Variants in TBC1D9 observed in about 807,000 individuals in gnomAD.
TBC1D9 encodes the protein TBC1 domain family member 9A.
A neutral mutation model predicts 132.0 loss-of-function variants in TBC1D9; 63 were observed. The ratio of observed to expected loss-of-function variants is 0.48; its 90% CI spans 0.39 to 0.59. The LOEUF is 0.59. TBC1D9 is among the 20% of genes least tolerant of loss of function. The pLI is 0.00. For synonymous variants in TBC1D9, 610 were observed against 609.9 expected (o/e 1.00, Z 0.00); for missense variants, 1,261 against 1,592.7 (o/e 0.79, Z 3.54).
At position 140,643,288 on chromosome 4, in the gene TBC1D9, G is replaced by C. The variant is rs528287005; in HGVS notation, c.2338-3860C>G. The C allele has an allele frequency of 2.7e-4, 353 of 1,317,832 alleles. 2 individuals are homozygous for C. In the Middle Eastern group the frequency reaches 4.2e-3, roughly 16 times the overall value. 81.6% of individuals were successfully genotyped at this position (1,317,832 alleles called of 1,614,324 possible). A position where few individuals can be genotyped will look rare whatever the true frequency, so the allele number is the denominator to read the frequency against. ...TCGCTCAGCAGGGTGATGCCGTGCAGAAAGCTCTGCTCCAAGACAAGGCTC... is the reference window on the plus strand; with the variant it reads ...TCGCTCAGCAGGGTGATGCCGTGCACAAAGCTCTGCTCCAAGACAAGGCTC... On this transcript the variant is annotated intron_variant, in intron 13 of 20. Transcript: ENST00000442267.
chr4:140,677,257 A>G (rs1409685010), intron 5 of TBC1D9, among the ~76,000 whole-genome samples, 156 bp from the exon 6 acceptor site: 1 of 152,076 alleles, frequency 6.6e-6, no homozygotes, highest in African/African-American at 2.4e-5. Flanking sequence ...GTTAACCCCA[A>G]CCTAATGACC....
At chr4:140,712,471 G>A (rs948070851) in intron 1 of TBC1D9, among the ~76,000 whole-genome samples, 5 of 31,416 alleles carry the variant, frequency 1.6e-4, no homozygotes, top group African/African-American at 6.6e-4. Flanking sequence ...TGCCAGGTGC[G>A]GTGGCTCAGG....
chr4:140,679,100 G>T lies in TBC1D9; in HGVS notation c.693C>A (p.Phe231Leu). 1 of 1,613,968 alleles carries T rather than the reference G, an allele frequency of 6.2e-7. No homozygotes were observed. Among genetic ancestry groups the T allele is most frequent in the Non-Finnish European group, 8.5e-7 (1 of 1,179,860 alleles). ...IKVSTRSSEHFFSVFLNINET... is the reference protein window; with the variant it reads ...IKVSTRSSEHLFSVFLNINET... ...CGTTGATGTTGAGGAATACAGAGAA[G>T]AAATGCTCACTGGACCGTGTGCTCA... is the stretch of plus-strand genomic sequence containing the variant. The change falls in exon 5 of 21, where the codon TTC becomes TTA. Residue 231 changes from phenylalanine to leucine, a missense_variant. Physicochemically the swap from Phe to Leu is conservative, Grantham distance 22 (BLOSUM62 0). Coordinates refer to ENST00000442267, the MANE Select transcript of TBC1D9 (RefSeq NM_015130.3).
At chr4:140,709,388 A>G (rs1038215222) in intron 1 of TBC1D9, among the ~76,000 whole-genome samples, 4 of 152,066 alleles carry the variant, frequency 2.6e-5, no homozygotes, top group African/African-American at 9.7e-5. Context: ...GTGGCTAAGA[A>G]TCAGTTTTGC....
intron 2 of TBC1D9, among the ~76,000 whole-genome samples, chr4:140,686,725 G>T (rs747701421): frequency 9.2e-5 from 14 of 152,158 alleles, no homozygotes; most frequent in South Asian, 2.1e-4. Context: ...CACTGTTTCA[G>T]ATCAGAAGGC....
intron 1 of TBC1D9, among the ~76,000 whole-genome samples, chr4:140,737,463 T>A (rs868645942): frequency 9.8e-5 from 12 of 122,944 alleles, no homozygotes; most frequent in African/African-American, 3.1e-4. Flanking sequence ...TCTCTCTCTC[T>A]CTCACACACA....
chr4:140,697,029 A>G (rs1301814395), intron 2 of TBC1D9, among the ~76,000 whole-genome samples: 2 of 152,200 alleles, frequency 1.3e-5, no homozygotes, highest in Non-Finnish European at 2.9e-5. Flanking sequence ...TTAAAATCTT[A>G]TCATGAAAAG....
intron 1 of TBC1D9, among the ~76,000 whole-genome samples, chr4:140,712,449 A>AATATATATATAT (rs10530134): frequency 0.15 from 15,717 of 102,554 alleles, 2,268 homozygotes; most frequent in Admixed American, 0.23. Context: ...AAAAAAAAAG[A>AATATATATATAT]ATATATATAT....
chr4:140,726,038 C>T (rs1021383300), intron 1 of TBC1D9, among the ~76,000 whole-genome samples: 4 of 152,122 alleles, frequency 2.6e-5, no homozygotes, highest in African/African-American at 9.7e-5. Flanking sequence ...GAAACCAAGG[C>T]AGGTCTCCTG....
chr4:140,642,551 C>T (rs779843866), intron 13 of TBC1D9: 1 of 1,101,170 alleles, frequency 9.1e-7, no homozygotes, highest in Non-Finnish European at 1.4e-6. Context: ...AGGGAGAGGG[C>T]CTTTGTCGAG....
At chr4:140,755,877 C>T in intron 1 of TBC1D9, 39 bp downstream of exon 1, 1 of 1,501,658 alleles carries the variant, frequency 6.7e-7, no homozygotes, top group Non-Finnish European at 8.9e-7. Context: ...CCGCAGCGCT[C>T]CCGGCTCCCC....
chr4:140,698,682 G>A (rs976131749), intron 2 of TBC1D9, among the ~76,000 whole-genome samples: 5 of 151,196 alleles, frequency 3.3e-5, no homozygotes, highest in African/African-American at 1.2e-4. Flanking sequence ...ATGTTGCAGT[G>A]AGCTGAGATC....
chr4:140,688,266 A>T (rs750691396), intron 2 of TBC1D9, among the ~76,000 whole-genome samples: 3 of 152,206 alleles, frequency 2.0e-5, no homozygotes, highest in Non-Finnish European at 4.4e-5. Context: ...AGACCTTGAA[A>T]TTGGGACAGC....
intron 1 of TBC1D9, among the ~76,000 whole-genome samples, chr4:140,739,405 T>C (rs1038244347): frequency 1.5e-4 from 23 of 152,170 alleles, no homozygotes; most frequent in Admixed American, 7.2e-4. Flanking sequence ...TTTTAATCCT[T>C]TTCTTTTTCT....
At chr4:140,662,244 G>A in intron 9 of TBC1D9, 137 bp from the exon 10 acceptor site, 1 of 772,246 alleles carries the variant, frequency 1.3e-6, no homozygotes, top group East Asian at 2.5e-5. Flanking sequence ...AATCACAGAT[G>A]TGGTATGTTG....
rs1427073190 is a variant in TBC1D9, at chr4:140,704,323, C to T, written c.131-2709G>A. ...GGCTGAGGCAGGAGAACTGCTTAAA[C>T]CTGGGAGGCGCAGGTTGCAGTGAGC... On this transcript the variant is annotated intron_variant, in intron 1 of 20. Transcript: ENST00000442267. 5.9e-5 allele frequency among the ~76,000 whole-genome samples: 9 copies of T among 151,672 alleles called. No individual in the cohort carries two copies. The South Asian group carries it at 1.9e-3, about 32-fold the overall frequency.
chr4:140,709,242 T>A (rs1405743591), intron 1 of TBC1D9, among the ~76,000 whole-genome samples: 12 of 106,778 alleles, frequency 1.1e-4, no homozygotes, highest in African/African-American at 5.2e-4. Context: ...TCTCTCTCTC[T>A]CTCTCTCACA....
At chr4:140,669,835 G>C (rs1449613900) in intron 7 of TBC1D9, 31 bp from the exon 8 acceptor site, 1 of 1,588,364 alleles carries the variant, frequency 6.3e-7, no homozygotes, top group African/African-American at 1.3e-5. Flanking sequence ...AAGACATTGG[G>C]AGGACACGGG....
intron 13 of TBC1D9, among the ~76,000 whole-genome samples, chr4:140,646,774 TG>T (rs573937840): frequency 6.6e-6 from 1 of 152,182 alleles, no homozygotes; most frequent in African/African-American, 2.4e-5. Context: ...ATGTGGTGAG[TG>T]GGTCTCAACC....
Sources: allele counts gnomAD v4.1 joint callset (sites outside exome capture counted in the v4.1 genomes callset), GRCh38; gene constraint gnomAD v4.1.1; transcripts MANE v1.5; gene names NCBI Gene and HGNC (gene_info 2026-07-23, HGNC 2026-07-21).